Variants in RELN observed in about 807,000 individuals in gnomAD.
The protein encoded by RELN is reelin.
RELN carries 108 observed loss-of-function variants against 427.6 expected under a neutral mutation model. The ratio of observed to expected loss-of-function variants is 0.25; its 90% CI spans 0.22 to 0.30. The LOEUF is 0.30. RELN is among the 10% of genes least tolerant of loss of function. The pLI is 1.00. For missense variants in RELN, 3,715 were observed against 4,302.8 expected (o/e 0.86, Z 3.82); for synonymous variants, 1,524 against 1,513.4 (o/e 1.01, Z -0.16).
chr7:103,906,800 G>A (rs1795216435), intron 2 of RELN, among the ~76,000 whole-genome samples: 2 of 152,284 alleles, frequency 1.3e-5, no homozygotes, highest in South Asian at 2.1e-4. Flanking sequence ...GAAAAGGAGG[G>A]CAGAGGAGAA....
chr7:103,542,969 TAG>T, intron 42 of RELN, 91 bp from the exon 43 acceptor site: 1 of 1,184,282 alleles, frequency 8.4e-7, no homozygotes, highest in Non-Finnish European at 1.2e-6. Flanking sequence ...ATGCATTATG[TAG>T]TTTCAAAATA....
chr7:103,809,697 T>C (rs769689816), intron 3 of RELN, among the ~76,000 whole-genome samples: 10 of 152,192 alleles, frequency 6.6e-5, no homozygotes, highest in Non-Finnish European at 1.2e-4. Flanking sequence ...ATAATCAGCA[T>C]TGTAGACCAT....
chr7:103,843,904 C>T (rs1394120315), intron 2 of RELN, among the ~76,000 whole-genome samples: 1 of 152,188 alleles, frequency 6.6e-6, no homozygotes, highest in Non-Finnish European at 1.5e-5. Context: ...CCTAACACTG[C>T]ATACTCTCCC....
chr7:103,682,871 A>C (rs1462436997), intron 10 of RELN, among the ~76,000 whole-genome samples: 8 of 152,224 alleles, frequency 5.3e-5, no homozygotes, highest in Non-Finnish European at 1.2e-4. Flanking sequence ...AACTTTGTTA[A>C]TCCCCAAAAG....
intron 1 of RELN, among the ~76,000 whole-genome samples, chr7:103,936,972 G>A (rs540314455): frequency 1.3e-5 from 2 of 152,148 alleles, no homozygotes; most frequent in Admixed American, 1.3e-4. Flanking sequence ...TAAAAAAATT[G>A]GTTACCATGT....
At chr7:103,718,473 C>A (rs2299371) in intron 8 of RELN, among the ~76,000 whole-genome samples, 23,219 of 151,956 alleles carry the variant, frequency 0.15, 2,034 homozygotes, top group East Asian at 0.3. Flanking sequence ...TCAGTAATTA[C>A]GTACTGATAA....
chr7:103,707,446 A>C (rs1355881744), intron 8 of RELN, among the ~76,000 whole-genome samples: 1 of 152,118 alleles, frequency 6.6e-6, no homozygotes, highest in Non-Finnish European at 1.5e-5. Context: ...CATGTAATTC[A>C]TATTTGCTTC....
rs940232405 is a variant in RELN, at chr7:103,723,055, A to G, written c.805+85T>C. On this transcript the variant is annotated intron_variant, in intron 8 of 64. Transcript: ENST00000428762. ...CTTACTATTCTGTAAATCCAAAAGCATCTGGCATTATAATCCTGATTGCAC... is the reference window on the plus strand; with the variant it reads ...CTTACTATTCTGTAAATCCAAAAGCGTCTGGCATTATAATCCTGATTGCAC... The G allele has an allele frequency of 1.8e-4, 148 of 813,462 alleles. 1 individual carries two copies. The highest frequency in any genetic ancestry group is 1.6e-3 in the Middle Eastern group (7 of 4,422). The allele number at this position is 813,462 out of a possible 1,614,324, so 50.4% of individuals were successfully genotyped here.
At chr7:103,845,812 C>G (rs10272530) in intron 2 of RELN, among the ~76,000 whole-genome samples, 1 of 152,028 alleles carries the variant, frequency 6.6e-6, no homozygotes, top group East Asian at 1.9e-4. Flanking sequence ...TTACAAGGGA[C>G]GTGAAGGACC....
At chr7:103,514,102 A>G (rs1328405809) in intron 50 of RELN, 1 of 152,114 alleles carries the variant, frequency 6.6e-6, no homozygotes, top group African/African-American at 2.4e-5. Flanking sequence ...TGTCTTTTCC[A>G]TGCAAGTTGC....
intron 53 of RELN, among the ~76,000 whole-genome samples, chr7:103,499,833 G>C (rs374818737): frequency 6.6e-6 from 1 of 152,146 alleles, no homozygotes. Flanking sequence ...AATAAAATTT[G>C]AGTGCTCATG....
At chr7:103,535,786 C>T (rs989350455) in intron 45 of RELN, among the ~76,000 whole-genome samples, 7 of 152,052 alleles carry the variant, frequency 4.6e-5, no homozygotes, top group Admixed American at 2.0e-4. Context: ...ATCATCATGA[C>T]AAAAGTACTG....
At chr7:103,907,366 A>C (rs1452506089) in intron 2 of RELN, among the ~76,000 whole-genome samples, 1 of 123,778 alleles carries the variant, frequency 8.1e-6, no homozygotes, top group Non-Finnish European at 1.6e-5. Flanking sequence ...CAATAAGTTG[A>C]GATGATGTGC....
chr7:103,973,928 A>C (rs2116825465), intron 1 of RELN, among the ~76,000 whole-genome samples: 1 of 152,344 alleles, frequency 6.6e-6, no homozygotes, highest in Admixed American at 6.5e-5. Context: ...GGATCACCTG[A>C]GATTAGGAGT....
intron 1 of RELN, among the ~76,000 whole-genome samples, chr7:103,955,081 G>C (rs1796406821): frequency 6.6e-6 from 1 of 152,160 alleles, no homozygotes; most frequent in Non-Finnish European, 1.5e-5. Flanking sequence ...AGATCTCAAA[G>C]GCAGATCCAA....
chr7:103,951,782 T>C (rs929314801), intron 1 of RELN, among the ~76,000 whole-genome samples: 3 of 152,150 alleles, frequency 2.0e-5, no homozygotes, highest in African/African-American at 7.2e-5. Flanking sequence ...AAGCAATTCT[T>C]GTGCCTCAGC....
Position 103,558,031 on chromosome 7 carries a change from T to G in RELN, c.5548A>C (p.Ile1850Leu), listed in dbSNP as rs1830563620. The G allele has an allele frequency of 1.3e-6, 2 of 1,520,796 alleles. No homozygotes were observed. The highest frequency in any genetic ancestry group is 4.5e-5 in the East Asian group (2 of 44,306). 94.2% of individuals were successfully genotyped at this position (1,520,796 alleles called of 1,614,324 possible). ...TTTGTACAATCTAGATCTCTTGAAA[T>G]AAGCATCCTTAGTCCTTCCTGAAAA... ...IFKGEGLRMLISRDLDCTNTM... is the reference protein window; with the variant it reads ...IFKGEGLRMLLSRDLDCTNTM... The change falls in exon 37 of 65, where the codon ATT becomes CTT. Residue 1850 changes from isoleucine to leucine, a missense_variant. Transcript: ENST00000428762.
At chr7:103,874,002 T>C (rs1794415708) in intron 2 of RELN, among the ~76,000 whole-genome samples, 1 of 144,508 alleles carries the variant, frequency 6.9e-6, no homozygotes, top group Admixed American at 7.0e-5. Context: ...AAAAAGCTTA[T>C]CCACCATGAT....
chr7:103,604,227 T>G (rs1222315938), intron 23 of RELN, 119 bp downstream of exon 23: 19 of 1,179,386 alleles, frequency 1.6e-5, no homozygotes, highest in Non-Finnish European at 2.4e-5. Flanking sequence ...GACTTGTTTC[T>G]TTTGGCTATG....
Sources: allele counts gnomAD v4.1 joint callset (sites outside exome capture counted in the v4.1 genomes callset), GRCh38; gene constraint gnomAD v4.1.1; transcripts MANE v1.5; gene names NCBI Gene and HGNC (gene_info 2026-07-23, HGNC 2026-07-21).